The following GTF2IRD1 variants were observed in gnomAD, a reference collection of about 807,000 sequenced individuals.
The protein encoded by GTF2IRD1 is GTF2I repeat domain containing 1.
GTF2IRD1 carries 26 observed loss-of-function variants against 113.2 expected under a neutral mutation model. That is an observed-to-expected ratio of 0.23 (90% CI 0.17 to 0.32). GTF2IRD1 has a LOEUF of 0.32. Among genes scored for constraint, GTF2IRD1 ranks in the 10% least tolerant of loss-of-function variants. The probability of loss-of-function intolerance (pLI) is 1.00; values close to 1 mark genes in which losing one functional copy is unlikely to be tolerated. For missense variants in GTF2IRD1, 864 were observed against 1,280.8 expected (o/e 0.67, Z 4.97); for synonymous variants, 484 against 529.1 (o/e 0.91, Z 1.17).
chr7:74,600,361 G>A (rs1802676866), intron 25 of GTF2IRD1, among the ~76,000 whole-genome samples: 1 of 152,118 alleles, frequency 6.6e-6, no homozygotes, highest in Non-Finnish European at 1.5e-5. Context: ...GGAAGCTGCA[G>A]TGAGCTACGA....
At chr7:74,528,963 A>G (rs905069347) in intron 8 of GTF2IRD1, among the ~76,000 whole-genome samples, 1 of 151,062 alleles carries the variant, frequency 6.6e-6, no homozygotes, top group Non-Finnish European at 1.5e-5. Flanking sequence ...GGATGGATGG[A>G]TGGATGGATG....
Position 74,530,549 on chromosome 7 carries a change from C to T in GTF2IRD1, c.1274+632C>T, listed in dbSNP as rs587661096. The stretch of plus-strand genomic sequence containing the variant: ...TGGGATCTTGCTATATTGCCCAGGC[C>T]TGCATAGCCTGAGTGTCAGAGCAAG... On this transcript the variant is annotated intron_variant, in intron 9 of 26. Transcript: ENST00000424337. Among the ~76,000 whole-genome samples, 4 of 116,660 alleles carry T rather than the reference C, an allele frequency of 3.4e-5. No individual in the cohort carries two copies. The South Asian group carries it at 1.2e-3, about 34-fold the overall frequency. The allele number at this position is 116,660 out of a possible 152,430, so 76.5% of individuals were successfully genotyped here.
chr7:74,580,574 T>C (rs1801355988), intron 22 of GTF2IRD1, among the ~76,000 whole-genome samples: 1 of 152,040 alleles, frequency 6.6e-6, no homozygotes, highest in African/African-American at 2.4e-5. Flanking sequence ...TGGTTGTCTT[T>C]TTTTTTTCCC....
chr7:74,468,317 C>T (rs1195575140), intron 1 of GTF2IRD1, among the ~76,000 whole-genome samples: 9 of 148,718 alleles, frequency 6.1e-5, no homozygotes, highest in African/African-American at 2.0e-4. Context: ...GCCTGGGCAA[C>T]GTAGTGAGAC....
chr7:74,499,705 C>CAT (rs1361321846), intron 1 of GTF2IRD1, among the ~76,000 whole-genome samples: 2 of 150,876 alleles, frequency 1.3e-5, no homozygotes, highest in Non-Finnish European at 3.0e-5. Flanking sequence ...TGAATGAATG[C>CAT]ATACACACAA....
At chr7:74,549,120 T>C (rs1799136541) in intron 17 of GTF2IRD1, among the ~76,000 whole-genome samples, 1 of 151,858 alleles carries the variant, frequency 6.6e-6, no homozygotes, top group Non-Finnish European at 1.5e-5. Context: ...TGAGATCCCA[T>C]CTCTACTAAA....
intron 1 of GTF2IRD1, among the ~76,000 whole-genome samples, chr7:74,464,332 A>G (rs1397661854): frequency 3.9e-5 from 6 of 152,350 alleles, no homozygotes; most frequent in African/African-American, 1.4e-4. Flanking sequence ...TGGCAAATCC[A>G]TGAGTTTCCC....
intron 22 of GTF2IRD1, among the ~76,000 whole-genome samples, chr7:74,578,464 C>T (rs1554365164): frequency 1.3e-5 from 2 of 152,204 alleles, no homozygotes; most frequent in African/African-American, 2.4e-5. Flanking sequence ...GCATGAGCCA[C>T]CGCGCCCAGC....
At chr7:74,559,766 G>C in intron 22 of GTF2IRD1, 111 bp downstream of exon 22, 2 of 827,688 alleles carry the variant, frequency 2.4e-6, no homozygotes, top group Non-Finnish European at 3.6e-6. Context: ...GGGAACAGAA[G>C]CCAGGCCCCT....
intron 17 of GTF2IRD1, among the ~76,000 whole-genome samples, chr7:74,550,097 C>A (rs1554354547): frequency 1.3e-5 from 2 of 151,228 alleles, no homozygotes; most frequent in African/African-American, 4.9e-5. Context: ...ACTCAAGAGG[C>A]AAAGAGGAGA....
At chr7:74,561,179 T>C (rs1283579439) in intron 22 of GTF2IRD1, among the ~76,000 whole-genome samples, 4 of 151,356 alleles carry the variant, frequency 2.6e-5, no homozygotes, top group African/African-American at 9.7e-5. Flanking sequence ...TGAAACCCCA[T>C]GTCTATTTAA....
chr7:74,479,380 C>T (rs1400762438), intron 1 of GTF2IRD1, among the ~76,000 whole-genome samples: 1 of 151,322 alleles, frequency 6.6e-6, no homozygotes, highest in Non-Finnish European at 1.5e-5. Flanking sequence ...CCTCTGGCCC[C>T]GCTCAGGCCC....
intron 1 of GTF2IRD1, among the ~76,000 whole-genome samples, chr7:74,467,254 C>T (rs758401236): frequency 6.6e-6 from 1 of 152,052 alleles, no homozygotes; most frequent in Non-Finnish European, 1.5e-5. Context: ...CGGCCCCTCT[C>T]CATCCTTCAA....
At chr7:74,586,698 T>C (rs1801737248) in intron 22 of GTF2IRD1, among the ~76,000 whole-genome samples, 1 of 152,192 alleles carries the variant, frequency 6.6e-6, no homozygotes, top group Non-Finnish European at 1.5e-5. Flanking sequence ...AACCCCCACA[T>C]GGGGAACAGG....
chr7:74,492,270 A>C (rs1206223761), intron 1 of GTF2IRD1, among the ~76,000 whole-genome samples: 1 of 150,298 alleles, frequency 6.7e-6, no homozygotes, highest in Non-Finnish European at 1.5e-5. Context: ...TCCCGGGTTC[A>C]CGCCATTCTC....
At chr7:74,563,715 G>A (rs1190064265) in intron 22 of GTF2IRD1, among the ~76,000 whole-genome samples, 9 of 152,092 alleles carry the variant, frequency 5.9e-5, no homozygotes, top group East Asian at 1.9e-4. Context: ...ACAAGACCCC[G>A]TCTCTACAAA....
At chr7:74,585,586 G>T (rs1196634627) in intron 22 of GTF2IRD1, among the ~76,000 whole-genome samples, 4 of 152,052 alleles carry the variant, frequency 2.6e-5, no homozygotes, top group African/African-American at 9.7e-5. Flanking sequence ...TCTTTCTACA[G>T]CTACTGTAGG....
At chr7:74,517,829 T>C in intron 4 of GTF2IRD1, among the ~76,000 whole-genome samples, 1 of 139,940 alleles carries the variant, frequency 7.1e-6, no homozygotes, top group Admixed American at 6.9e-5. Context: ...CTCTGGGCCC[T>C]TGAGTCCCCG....
intron 1 of GTF2IRD1, among the ~76,000 whole-genome samples, chr7:74,475,736 G>A (rs782794984): frequency 1.3e-5 from 2 of 152,194 alleles, no homozygotes; most frequent in East Asian, 1.9e-4. Context: ...AGAAAGGGCC[G>A]GATGTGTGTG....
Sources: allele counts gnomAD v4.1 joint callset (sites outside exome capture counted in the v4.1 genomes callset), GRCh38; gene constraint gnomAD v4.1.1; transcripts MANE v1.5; gene names NCBI Gene and HGNC (gene_info 2026-07-23, HGNC 2026-07-21).